Variants in PLCG2 observed in about 807,000 individuals in gnomAD.
PLCG2 encodes 1-phosphatidylinositol 4,5-bisphosphate phosphodiesterase gamma-2.
PLCG2 carries 69 observed loss-of-function variants against 175.6 expected under a neutral mutation model. The ratio of observed to expected loss-of-function variants is 0.39; its 90% CI spans 0.32 to 0.48. The LOEUF (loss-of-function observed/expected upper bound fraction) is 0.48. Ranked by LOEUF, PLCG2 falls within the 20% of genes least tolerant of loss-of-function variation. The probability of loss-of-function intolerance (pLI) is 0.91; values close to 1 mark genes in which losing one functional copy is unlikely to be tolerated. For synonymous variants in PLCG2, 827 were observed against 624.0 expected (o/e 1.33, Z -4.85); for missense variants, 1,798 against 1,650.9 (o/e 1.09, Z -1.54).
chr16:81,760,516 G>A (rs935093116), intron 2 of PLCG2, among the ~76,000 whole-genome samples: 5 of 152,092 alleles, frequency 3.3e-5, no homozygotes, highest in Admixed American at 1.3e-4. Flanking sequence ...ACAAGATCTG[G>A]CTTTTTCTTT....
chr16:81,853,044 C>A (rs1906497806), intron 2 of PLCG2, among the ~76,000 whole-genome samples: 1 of 152,090 alleles, frequency 6.6e-6, no homozygotes, highest in African/African-American at 2.4e-5. Context: ...AAGTATTAGG[C>A]CCCAGGCTGG....
chr16:81,900,710 C>G lies in PLCG2; in HGVS notation c.1292C>G (p.Thr431Arg), dbSNP rs367678289. 3 of 1,613,270 alleles carry G rather than the reference C, an allele frequency of 1.9e-6. No homozygotes were observed. Among genetic ancestry groups the G allele is most frequent in the African/African-American group, 1.3e-5 (1 of 74,924 alleles). The change falls in exon 14 of 33, where the codon ACG (threonine) becomes AGG (arginine). Residue 431 changes from threonine to arginine, a missense_variant. Transcript: ENST00000564138. ...GAAGTATTTGGCGACCTGCTGTTGA[C>G]GAAGCCCACGGAGGCCAGTGCTGAC... The part of the protein sequence containing the change: ...FKEVFGDLLL[T>R]KPTEASADQL...
intron 2 of PLCG2, among the ~76,000 whole-genome samples, chr16:81,816,063 A>T (rs530727804): frequency 0.071 from 71 of 994 alleles, no homozygotes; most frequent in Admixed American, 0.2. Flanking sequence ...CTTCATCTTT[A>T]AAAAAAAAAA....
At chr16:81,797,467 G>A (rs977005328) in intron 2 of PLCG2, among the ~76,000 whole-genome samples, 6 of 152,174 alleles carry the variant, frequency 3.9e-5, no homozygotes, top group Non-Finnish European at 5.9e-5. Context: ...TGCAAGGCCC[G>A]ATCTTGGGGC....
intron 13 of PLCG2, among the ~76,000 whole-genome samples, chr16:81,896,693 G>A (rs908114249): frequency 4.6e-5 from 7 of 152,154 alleles, no homozygotes; most frequent in Admixed American, 4.6e-4. Context: ...CACCAAACCT[G>A]TTTCTACAGG....
At chr16:81,943,919 C>G (rs1457065432) in intron 30 of PLCG2, among the ~76,000 whole-genome samples, 1 of 152,080 alleles carries the variant, frequency 6.6e-6, no homozygotes, top group Non-Finnish European at 1.5e-5. Flanking sequence ...AGTATAAAAT[C>G]AAAGGATGGA....
intron 31 of PLCG2, among the ~76,000 whole-genome samples, chr16:81,951,760 G>C (rs1911375323): frequency 6.6e-6 from 1 of 152,166 alleles, no homozygotes; most frequent in African/African-American, 2.4e-5. Flanking sequence ...TGCAAGGATG[G>C]TTTAACACCA....
chr16:81,785,927 A>T lies in PLCG2; in HGVS notation c.-47-16A>T. Reference sequence around the variant, plus strand: ...CAGTACTAAAATCAGTTCACTCTTTAATTCTGCCCTTTCAGCTTCCTGATT... The same window carrying T: ...CAGTACTAAAATCAGTTCACTCTTTTATTCTGCCCTTTCAGCTTCCTGATT... On this transcript the variant is annotated splice_polypyrimidine_tract_variant and intron_variant, in intron 1 of 32. Coordinates refer to ENST00000564138, the MANE Select transcript of PLCG2 (RefSeq NM_002661.5). The T allele has an allele frequency of 6.7e-7, 1 of 1,483,718 alleles. No individual in the cohort carries two copies. Among genetic ancestry groups the T allele is most frequent in the Non-Finnish European group, 9.3e-7 (1 of 1,076,290 alleles). 91.9% of individuals were successfully genotyped at this position (1,483,718 alleles called of 1,614,324 possible).
intron 11 of PLCG2, among the ~76,000 whole-genome samples, chr16:81,892,001 C>T (rs371481625): frequency 6.6e-5 from 10 of 152,262 alleles, no homozygotes; most frequent in Admixed American, 2.0e-4. Context: ...GGCTGTGAAC[C>T]GGCAGCAGCC....
intron 30 of PLCG2, 40 bp downstream of exon 30, chr16:81,940,099 CGTT>C (rs749244496): frequency 1.1e-5 from 17 of 1,541,644 alleles, no homozygotes; most frequent in Non-Finnish European, 1.5e-5. Context: ...TTTGGGCTGG[CGTT>C]GTACTTTGGT....
At chr16:81,877,183 G>A (rs1055600755) in intron 7 of PLCG2, among the ~76,000 whole-genome samples, 11 of 152,188 alleles carry the variant, frequency 7.2e-5, no homozygotes, top group South Asian at 2.1e-4. Flanking sequence ...TGTCGGGCAC[G>A]GTGGCTCACG....
At position 81,755,434 on chromosome 16, in the gene PLCG2, G is replaced by T. The variant is rs550913311; in HGVS notation, c.-144-436G>T. Among the ~76,000 whole-genome samples, 11 of 149,712 alleles carry T rather than the reference G, an allele frequency of 7.3e-5. No individual in the cohort carries two copies. In the South Asian group the frequency reaches 1.5e-3, roughly 20 times the overall value. On this transcript the variant is annotated intron_variant, in intron 1 of 5. Coordinates refer to the PLCG2 transcript ENST00000565054. ...TTGCCCAGGCTGGTCTCAAACTTCT[G>T]AGCTCTAGTGATCTGCCCACCTCGG...
rs142152450 is a variant in PLCG2, at chr16:81,869,451, G to A, written c.564+153G>A. Reference sequence around the variant, plus strand: ...TCTTAGTTCAGACAGAGGGATCATGGACATATCTGAGGACCATCGTCTCAA... The same window carrying A: ...TCTTAGTTCAGACAGAGGGATCATGAACATATCTGAGGACCATCGTCTCAA... On this transcript the variant is annotated intron_variant, in intron 6 of 32. Coordinates refer to ENST00000564138, the MANE Select transcript of PLCG2 (RefSeq NM_002661.5). Among the ~76,000 whole-genome samples, 12 of 152,278 alleles carry A rather than the reference G, an allele frequency of 7.9e-5. 1 individual carries two copies. The highest frequency in any genetic ancestry group is 6.8e-3 in the Middle Eastern group (2 of 294).
At chr16:81,957,879 A>G (rs1911638999) in intron 32 of PLCG2, 77 bp from the exon 33 acceptor site, 1 of 1,282,384 alleles carries the variant, frequency 7.8e-7, no homozygotes, top group African/African-American at 1.5e-5. Context: ...ATGTACAGAA[A>G]GAGAAATGTT....
intron 2 of PLCG2, among the ~76,000 whole-genome samples, chr16:81,817,915 A>C (rs972525006): frequency 2.0e-5 from 3 of 152,092 alleles, no homozygotes; most frequent in African/African-American, 7.2e-5. Context: ...TTTCGGGGAG[A>C]AGGGGGTTAA....
At position 81,957,984 on chromosome 16, in the gene PLCG2, A is replaced by G; in HGVS notation, c.3784A>G (p.Lys1262Glu). The G allele has an allele frequency of 6.2e-7, 1 of 1,613,148 alleles. No individual in the cohort carries two copies. The highest frequency in any genetic ancestry group is 8.5e-7 in the Non-Finnish European group (1 of 1,179,100). Reference sequence around the variant, plus strand: ...AAGAGAGAAGAGAGTCAGCAACAGCAAGTTTTACTCATAGAAGCTGGGGTA... The same window carrying G: ...AAGAGAGAAGAGAGTCAGCAACAGCGAGTTTTACTCATAGAAGCTGGGGTA... The part of the protein sequence containing the change: ...RLREKRVSNS[K>E]FYS The change falls in exon 33 of 33, where the codon AAG becomes GAG. Residue 1262 changes from lysine to glutamate, a missense_variant. By Grantham distance (56) the Lys-to-Glu change is moderately conservative (BLOSUM62 1). Transcript: ENST00000564138.
intron 25 of PLCG2, among the ~76,000 whole-genome samples, chr16:81,932,861 G>A (rs961845009): frequency 9.2e-5 from 14 of 152,248 alleles, no homozygotes; most frequent in African/African-American, 2.9e-4. Context: ...CCATGAGCTT[G>A]TAGCCAGCTG....
In PLCG2 at chr16:81,854,577, C is replaced by G; in HGVS notation, c.327C>G (p.Leu109=). 2.5e-6 allele frequency: 4 copies of G among 1,613,868 alleles called. No homozygotes were observed. The highest frequency in any genetic ancestry group is 3.4e-6 in the Non-Finnish European group (4 of 1,179,736). The change falls in exon 3 of 33, where the codon CTC becomes CTG. Residue 109 remains leucine (L), a synonymous_variant. Coordinates refer to ENST00000564138, the MANE Select transcript of PLCG2 (RefSeq NM_002661.5). ...LYGTQFVLST[L]SLAADSKEDA... The stretch of plus-strand genomic sequence containing the variant: ...GCACTCAGTTCGTCCTCAGCACGCT[C>G]AGCTTGGCAGGTAGGTGCATGTTTC...
At chr16:81,781,154 C>G (rs1238963510) in intron 1 of PLCG2, among the ~76,000 whole-genome samples, 1 of 152,218 alleles carries the variant, frequency 6.6e-6, no homozygotes, top group Non-Finnish European at 1.5e-5. Flanking sequence ...GTATCCTCTA[C>G]CCTCTCCCAG....
Sources: gnomAD v4.1 joint callset for allele counts (sites outside exome capture counted in the v4.1 genomes callset) on GRCh38, gnomAD v4.1.1 for gene constraint, MANE v1.5 for transcripts, NCBI Gene and HGNC (gene_info 2026-07-23, HGNC 2026-07-21) for gene names.